Variants in MID1 observed in about 807,000 individuals in gnomAD.
MID1 encodes midline 1, also known as E3 ubiquitin-protein ligase Midline-1.
A neutral mutation model predicts 40.4 loss-of-function variants in MID1; 7 were observed. That is an observed-to-expected ratio of 0.17 (90% CI 0.10 to 0.33). MID1 has a LOEUF of 0.33. Ranked by LOEUF, MID1 falls within the 10% of genes least tolerant of loss-of-function variation. The pLI, the probability that MID1 is intolerant of heterozygous loss-of-function variation, is 1.00. For missense variants in MID1, 367 were observed against 558.5 expected, an observed-to-expected ratio of 0.66 and a Z score of 3.46; for synonymous variants, 229 against 221.2, an observed-to-expected ratio of 1.04 and a Z score of -0.31.
At chrX:10,623,150 C>G (rs1487944528), upstream of MID1, among the ~76,000 whole-genome samples, 1 of 104,710 alleles carries the variant, frequency 9.6e-6, no homozygotes. Context: ...ACTTGGGGAG[C>G]TAAGACAGGA....
intron 1 of MID1, among the ~76,000 whole-genome samples, chrX:10,598,805 G>T (rs928302152): frequency 8.9e-6 from 1 of 111,849 alleles, no homozygotes; most frequent in Non-Finnish European, 1.9e-5. Context: ...GCTTCGTCTG[G>T]CCAACAGCTC....
At chrX:10,737,757 G>T (rs1602547913) in intron 1 of MID1, among the ~76,000 whole-genome samples, 1 of 109,909 alleles carries the variant, frequency 9.1e-6, no homozygotes, top group African/African-American at 3.3e-5. Context: ...AGGAGGGAAA[G>T]GGTTGGCAAA....
intron 2 of MID1, among the ~76,000 whole-genome samples, chrX:10,566,532 C>CCTCTCTCT (rs773613255): frequency 6.1e-4 from 32 of 52,841 alleles, no homozygotes; most frequent in African/African-American, 1.7e-3. Flanking sequence ...CCTCTCTCTC[C>CCTCTCTCT]CTCTCTCTCT....
At chrX:10,789,909 G>T (rs1205738339) in intron 1 of MID1, among the ~76,000 whole-genome samples, 1 of 110,808 alleles carries the variant, frequency 9.0e-6, no homozygotes, top group Admixed American at 9.6e-5. Context: ...CTGCTCTGGG[G>T]ATAACAATCA....
intron 7 of MID1, among the ~76,000 whole-genome samples, chrX:10,465,260 C>CACACACACAT (rs1292370523): frequency 1.7e-3 from 161 of 92,390 alleles, no homozygotes; most frequent in African/African-American, 6.3e-3. Flanking sequence ...CACACACACA[C>CACACACACAT]ATACATATAT....
At chrX:10,775,745 T>C (rs1365969929) in intron 1 of MID1, among the ~76,000 whole-genome samples, 1 of 111,557 alleles carries the variant, frequency 9.0e-6, no homozygotes, top group Admixed American at 9.5e-5. Flanking sequence ...ATGGATTCTT[T>C]GTTGTGGGTA....
At chrX:10,464,224 T>C (rs1929210293) in intron 7 of MID1, among the ~76,000 whole-genome samples, 2 of 112,512 alleles carry the variant, frequency 1.8e-5, no homozygotes, top group Admixed American at 1.9e-4. Context: ...TCTGAGTTCA[T>C]TATACTGAGT....
chrX:10,575,787 G>A (rs1934856425), intron 1 of MID1, among the ~76,000 whole-genome samples: 4 of 110,738 alleles, frequency 3.6e-5, no homozygotes, highest in East Asian at 2.9e-4. Flanking sequence ...CAGTACAAAC[G>A]CAAAGTGGTT....
intron 2 of MID1, among the ~76,000 whole-genome samples, chrX:10,555,625 T>G (rs1934088676): frequency 9.0e-6 from 1 of 110,926 alleles, no homozygotes; most frequent in Non-Finnish European, 1.9e-5. Context: ...TAAGGTTTTT[T>G]CTTTCTTTTT....
intron 1 of MID1, among the ~76,000 whole-genome samples, chrX:10,827,186 C>G (rs1345947403): frequency 9.0e-6 from 1 of 111,267 alleles, no homozygotes; most frequent in Admixed American, 9.6e-5. Context: ...TTCATGAGTT[C>G]TCTGGGGAAA....
chrX:10,546,409 C>T (rs755602469), intron 2 of MID1, among the ~76,000 whole-genome samples: 4 of 111,984 alleles, frequency 3.6e-5, no homozygotes, highest in East Asian at 2.8e-4. Context: ...TTCAATAAGT[C>T]GCTGGCATTT....
chrX:10,776,430 G>C (rs1053142491), intron 1 of MID1, among the ~76,000 whole-genome samples: 1 of 111,722 alleles, frequency 9.0e-6, no homozygotes, highest in Non-Finnish European at 1.9e-5. Context: ...TTCTTGCAAC[G>C]GTGATGAAAA....
chrX:10,605,887 A>G (rs1602463271), intron 1 of MID1, among the ~76,000 whole-genome samples: 1 of 111,410 alleles, frequency 9.0e-6, no homozygotes, highest in East Asian at 2.8e-4. Context: ...TCCTCTAGAA[A>G]TAGTGATACC....
At chrX:10,830,124 C>G (rs2044243774) in intron 1 of MID1, among the ~76,000 whole-genome samples, 1 of 112,432 alleles carries the variant, frequency 8.9e-6, no homozygotes, top group South Asian at 3.7e-4. Context: ...TTGGCATCTA[C>G]CTGGCATTAT....
At chrX:10,515,532 C>G (rs987141314) in intron 3 of MID1, among the ~76,000 whole-genome samples, 3 of 112,203 alleles carry the variant, frequency 2.7e-5, no homozygotes, top group African/African-American at 9.7e-5. Flanking sequence ...AGATTAAAAA[C>G]TTAGTGAGAA....
chrX:10,459,539 G>T (rs187796930), intron 8 of MID1, 107 bp downstream of exon 8: 4 of 863,254 alleles, frequency 4.6e-6, no homozygotes, highest in Admixed American at 2.2e-5. Context: ...GTTTTGGGGG[G>T]CTGTCAATGA....
intron 1 of MID1, among the ~76,000 whole-genome samples, chrX:10,595,971 T>G (rs1935402940): frequency 8.9e-6 from 1 of 111,946 alleles, no homozygotes; most frequent in Non-Finnish European, 1.9e-5. Context: ...GTACAAATTT[T>G]TTTTAAAAAA....
chrX:10,700,107 C>A (rs1384126535), intron 1 of MID1, among the ~76,000 whole-genome samples: 2 of 111,245 alleles, frequency 1.8e-5, no homozygotes, highest in Non-Finnish European at 3.8e-5. Flanking sequence ...CAGGCGTGAG[C>A]CACCATGCCT....
chrX:10,572,348 G>A (rs1265263345), intron 1 of MID1, among the ~76,000 whole-genome samples: 2 of 110,448 alleles, frequency 1.8e-5, no homozygotes, highest in East Asian at 2.8e-4. Context: ...TCAGGAGTTC[G>A]AGACCAGCCT....
Sources: allele counts gnomAD v4.1 joint callset (sites outside exome capture counted in the v4.1 genomes callset), GRCh38; gene constraint gnomAD v4.1.1; transcripts MANE v1.5; gene names NCBI Gene and HGNC (gene_info 2026-07-23, HGNC 2026-07-21).